Variants in TET3 observed in about 807,000 individuals in gnomAD.
The protein encoded by TET3 is methylcytosine dioxygenase TET3.
Under a neutral mutation model 141.4 loss-of-function variants are expected in TET3, and 19 were observed. The observed-to-expected ratio is 0.13, with a 90% confidence interval of 0.09 to 0.20. The LOEUF (loss-of-function observed/expected upper bound fraction) is 0.20, where lower values mean the gene tolerates loss of function less well. Ranked by LOEUF, TET3 falls within the 10% of genes least tolerant of loss-of-function variation. The pLI is 1.00. For synonymous variants in TET3, 1,043 were observed against 980.9 expected, an observed-to-expected ratio of 1.06 and a Z score of -1.18; for missense variants, 1,874 against 2,356.9, an observed-to-expected ratio of 0.80 and a Z score of 4.24.
chr2:74,047,380 C>G lies in TET3; in HGVS notation c.1463C>G (p.Pro488Arg). ...FKRPEALPTKPKVKVEAPSSS... is the reference protein window; with the variant it reads ...FKRPEALPTKRKVKVEAPSSS... ...CGGCCTGAGGCCCTGCCTACCAAGCCCAAGGTCAAGGTGGAGGCACCCTCT... is the reference window on the plus strand; with the variant it reads ...CGGCCTGAGGCCCTGCCTACCAAGCGCAAGGTCAAGGTGGAGGCACCCTCT... Residue 488 changes from proline (P) to arginine (R), a missense_variant, in exon 4 of 12, where the codon CCC becomes CGC. Physicochemically the swap from Pro to Arg is moderately radical, Grantham distance 103 (BLOSUM62 -2). Coordinates refer to ENST00000409262, the MANE Select transcript of TET3 (RefSeq NM_001287491.2). The G allele has an allele frequency of 6.2e-7, 1 of 1,613,848 alleles. No individual in the cohort carries two copies. Among genetic ancestry groups the G allele is most frequent in the Non-Finnish European group, 8.5e-7 (1 of 1,179,874 alleles).
the TET3 span, among the ~76,000 whole-genome samples, chr2:74,133,901 T>A: frequency 6.6e-6 from 1 of 152,076 alleles, no homozygotes; most frequent in African/African-American, 2.4e-5. Context: ...CGTGCCATCA[T>A]GCCTGGCTAA....
chr2:74,115,474 G>T, the TET3 span, among the ~76,000 whole-genome samples: 9 of 152,146 alleles, frequency 5.9e-5, no homozygotes, highest in South Asian at 6.2e-4. Context: ...GGACAATGTA[G>T]ACTATTCGGG....
chr2:73,992,461 G>A (rs1266675660), intron 2 of TET3, among the ~76,000 whole-genome samples: 2 of 152,078 alleles, frequency 1.3e-5, no homozygotes, highest in African/African-American at 4.8e-5. Context: ...TTACAGGCAT[G>A]TGCCATCACG....
intron 3 of TET3, among the ~76,000 whole-genome samples, chr2:74,037,303 A>G (rs556566658): frequency 8.5e-5 from 13 of 152,266 alleles, no homozygotes; most frequent in Non-Finnish European, 1.3e-4. Flanking sequence ...GATCAACCCT[A>G]GACAGAACAT....
At chr2:74,128,593 A>G in the TET3 span, among the ~76,000 whole-genome samples, 1 of 152,148 alleles carries the variant, frequency 6.6e-6, no homozygotes, top group African/African-American at 2.4e-5. Flanking sequence ...AATCAGGGAA[A>G]CTGGATGTGG....
intron 6 of TET3, among the ~76,000 whole-genome samples, chr2:74,084,895 A>G (rs1006850533): frequency 1.3e-5 from 2 of 152,042 alleles, no homozygotes; most frequent in South Asian, 2.1e-4. Context: ...AGATCGTGCC[A>G]CTGCACTCCA....
At chr2:74,084,256 A>C (rs1689990375) in intron 6 of TET3, among the ~76,000 whole-genome samples, 1 of 152,254 alleles carries the variant, frequency 6.6e-6, no homozygotes, top group African/African-American at 2.4e-5. Context: ...CATTACATTA[A>C]GTGAAATAAG....
At chr2:74,088,674 G>A (rs1052820614) in intron 7 of TET3, among the ~76,000 whole-genome samples, 18 of 151,998 alleles carry the variant, frequency 1.2e-4, no homozygotes, top group African/African-American at 4.4e-4. Flanking sequence ...CCTTATCAGA[G>A]TTTTTCCCAT....
chr2:74,081,320 G>A (rs761252664), intron 6 of TET3, among the ~76,000 whole-genome samples: 7 of 152,220 alleles, frequency 4.6e-5, no homozygotes, highest in Admixed American at 1.3e-4. Flanking sequence ...CAGGTTCCTC[G>A]GGTGCCTGCA....
the TET3 span, among the ~76,000 whole-genome samples, chr2:74,114,622 C>T: frequency 1.3e-5 from 2 of 151,802 alleles, no homozygotes; most frequent in Non-Finnish European, 2.9e-5. Flanking sequence ...GAGACCGAGG[C>T]AGGTAGATGA....
At chr2:74,080,706 T>TGGGG (rs1558775928) in intron 6 of TET3, 115 bp downstream of exon 6, 1 of 173,652 alleles carries the variant, frequency 5.8e-6, no homozygotes, top group African/African-American at 3.5e-5. Context: ...GGGCGGGGGG[T>TGGGG]GGGGCCAGGT....
Position 74,003,143 on chromosome 2 carries a change from T to G in TET3, c.337T>G (p.Trp113Gly), listed in dbSNP as rs1237881635. The change falls in exon 3 of 12, where the codon TGG (tryptophan) becomes GGG (glycine). Residue 113 changes from tryptophan (W) to glycine (G), a missense_variant. Trp to Gly is a radical substitution (Grantham distance 184). Transcript: ENST00000409262. ...AAAGGCTGGTGAAGGAGCCGGGCCG[T>G]GGGGACAAGGAGCGGCTGTCAAGGT... ...EIKAGEGAGP[W>G]GQGAAVKTGS... is the part of the protein sequence containing the mutation. The G allele has an allele frequency of 2.6e-6, 4 of 1,550,012 alleles. No individual in the cohort carries two copies. The highest frequency in any genetic ancestry group is 3.5e-6 in the Non-Finnish European group (4 of 1,146,874).
chr2:74,055,175 C>T (rs1292420675), intron 4 of TET3, among the ~76,000 whole-genome samples: 1 of 152,104 alleles, frequency 6.6e-6, no homozygotes, highest in Non-Finnish European at 1.5e-5. Context: ...GCTAGGATTA[C>T]AGGAGTGAGC....
At chr2:74,054,212 G>A (rs1049226378) in intron 4 of TET3, among the ~76,000 whole-genome samples, 3 of 152,140 alleles carry the variant, frequency 2.0e-5, no homozygotes, top group African/African-American at 7.2e-5. Context: ...CAAAGCCAGA[G>A]AAACCAGTTT....
the TET3 span, among the ~76,000 whole-genome samples, chr2:74,116,667 AGAGT>A: frequency 5.3e-3 from 753 of 140,848 alleles, 3 homozygotes; most frequent in African/African-American, 0.019. Flanking sequence ...CCTGAGCAGC[AGAGT>A]GAGACTCCAT....
At chr2:74,011,327 T>C (rs1467167714) in intron 3 of TET3, among the ~76,000 whole-genome samples, 1 of 151,960 alleles carries the variant, frequency 6.6e-6, no homozygotes, top group Non-Finnish European at 1.5e-5. Context: ...AGTAAATGCC[T>C]GTGTAATCAG....
rs1364349957 is a variant in TET3, at chr2:74,093,994, C to T, written c.3267+328C>T. Among the ~76,000 whole-genome samples, 1 of 152,174 alleles carries T rather than the reference C, an allele frequency of 6.6e-6. No homozygotes were observed. The highest frequency in any genetic ancestry group is 1.5e-5 in the Non-Finnish European group (1 of 68,028). On this transcript the variant is annotated intron_variant, in intron 10 of 11. Coordinates refer to ENST00000409262, the MANE Select transcript of TET3 (RefSeq NM_001287491.2). The surrounding 1 kb of genome is among the most constrained non-coding windows in gnomAD (Gnocchi z 4.2). ...CACTTGGATTTAAATGCAAACAAAC[C>T]CTTGATTCATTCTTTGGACAAATGT...
intron 4 of TET3, among the ~76,000 whole-genome samples, chr2:74,065,075 C>T (rs528780081): frequency 6.6e-6 from 1 of 152,190 alleles, no homozygotes; most frequent in South Asian, 2.1e-4. Flanking sequence ...AGTGATAGAT[C>T]CATCTAAGCA....
chr2:74,002,351 C>A (rs1684890791), intron 2 of TET3, among the ~76,000 whole-genome samples: 1 of 152,098 alleles, frequency 6.6e-6, no homozygotes, highest in Non-Finnish European at 1.5e-5. Context: ...TAGAGAGTGG[C>A]GAAGCGGGAA....
Sources: allele counts gnomAD v4.1 joint callset (sites outside exome capture counted in the v4.1 genomes callset), GRCh38; gene constraint gnomAD v4.1.1; non-coding constraint Gnocchi (gnomAD v3.1); transcripts MANE v1.5; gene names NCBI Gene and HGNC (gene_info 2026-07-23, HGNC 2026-07-21).